UNC13C: variants seen among roughly 807,000 people sequenced by gnomAD.
UNC13C encodes unc-13 homolog C.
A neutral mutation model predicts 245.4 loss-of-function variants in UNC13C; 174 were observed. The ratio of observed to expected loss-of-function variants is 0.71; its 90% CI spans 0.63 to 0.80. UNC13C has a LOEUF of 0.80. UNC13C is among the 30% of genes least tolerant of loss of function. UNC13C has a pLI of 0.00. For synonymous variants in UNC13C, 992 were observed against 895.1 expected, an observed-to-expected ratio of 1.11 and a Z score of -1.93; for missense variants, 2,829 against 2,602.9, an observed-to-expected ratio of 1.09 and a Z score of -1.89.
At chr15:53,840,870 G>A in the UNC13C span, among the ~76,000 whole-genome samples, 1 of 152,104 alleles carries the variant, frequency 6.6e-6, no homozygotes. Context: ...GCTCACATAG[G>A]AGTAATCATG....
the UNC13C span, among the ~76,000 whole-genome samples, chr15:53,840,861 C>G: frequency 6.6e-6 from 1 of 152,008 alleles, no homozygotes; most frequent in Non-Finnish European, 1.5e-5. Flanking sequence ...TACTGCTCTG[C>G]TCACATAGGA....
chr15:53,913,115 A>G, the UNC13C span: 2 of 152,162 alleles, frequency 1.3e-5, no homozygotes, highest in African/African-American at 4.8e-5. Context: ...TAGCCCCACC[A>G]TATGTCATGG....
chr15:54,063,287 T>C (rs12901310), intron 2 of UNC13C, among the ~76,000 whole-genome samples: 89,019 of 151,864 alleles, frequency 0.59, 29,509 homozygotes, highest in Non-Finnish European at 0.75. Context: ...TAGGGAAGGG[T>C]AGTTCCAAAG....
chr15:54,123,276 T>C (rs1370212155), intron 2 of UNC13C, among the ~76,000 whole-genome samples: 2 of 151,848 alleles, frequency 1.3e-5, no homozygotes, highest in African/African-American at 4.8e-5. Flanking sequence ...TGTCCACTTG[T>C]AAATTGGTTT....
At chr15:54,074,252 C>A (rs1405302747) in intron 2 of UNC13C, among the ~76,000 whole-genome samples, 5 of 152,142 alleles carry the variant, frequency 3.3e-5, no homozygotes, top group Admixed American at 2.6e-4. Flanking sequence ...TGTTTTGGTA[C>A]CACTACCATG....
chr15:53,907,000 CGT>C, the UNC13C span, among the ~76,000 whole-genome samples: 1 of 152,094 alleles, frequency 6.6e-6, no homozygotes, highest in Non-Finnish European at 1.5e-5. Context: ...TCTCTCGACA[CGT>C]GGGGAGTATA....
At chr15:54,135,802 T>C (rs891251438) in intron 2 of UNC13C, among the ~76,000 whole-genome samples, 1 of 152,170 alleles carries the variant, frequency 6.6e-6, no homozygotes, top group Non-Finnish European at 1.5e-5. Context: ...TGATTCCATA[T>C]AAGTTTTAGA....
chr15:53,991,685 A>G (rs915241032), intron 1 of UNC13C, among the ~76,000 whole-genome samples: 1 of 152,072 alleles, frequency 6.6e-6, no homozygotes, highest in Admixed American at 6.6e-5. Flanking sequence ...AGCCATCTCC[A>G]TAGCTCTAAG....
chr15:53,845,860 G>C, the UNC13C span, among the ~76,000 whole-genome samples: 1 of 151,926 alleles, frequency 6.6e-6, no homozygotes, highest in Non-Finnish European at 1.5e-5. Flanking sequence ...TTCATTTTTG[G>C]GGCAAAATCC....
intron 19 of UNC13C, among the ~76,000 whole-genome samples, chr15:54,454,849 A>T (rs184871835): frequency 6.6e-6 from 1 of 151,782 alleles, no homozygotes; most frequent in East Asian, 2.0e-4. Context: ...TTTCAGGGGA[A>T]CAAGTGGTGT....
At chr15:53,844,867 A>G in the UNC13C span, among the ~76,000 whole-genome samples, 2 of 152,182 alleles carry the variant, frequency 1.3e-5, no homozygotes, top group African/African-American at 4.8e-5. Context: ...AAGCCATGCT[A>G]GAGGTTGGAC....
At chr15:54,308,178 C>T (rs1479398800) in intron 13 of UNC13C, among the ~76,000 whole-genome samples, 1 of 151,912 alleles carries the variant, frequency 6.6e-6, no homozygotes, top group Non-Finnish European at 1.5e-5. Flanking sequence ...GGACACCTGT[C>T]CCTGAACTGG....
chr15:54,046,644 A>T (rs898559322), intron 2 of UNC13C, among the ~76,000 whole-genome samples: 2 of 151,568 alleles, frequency 1.3e-5, no homozygotes, highest in Admixed American at 6.6e-5. Flanking sequence ...TAGAACATAG[A>T]CACTTTTTTT....
chr15:54,293,726 A>G (rs899295990), intron 10 of UNC13C, among the ~76,000 whole-genome samples, 169 bp from the exon 11 acceptor site: 2 of 152,080 alleles, frequency 1.3e-5, no homozygotes, highest in Non-Finnish European at 2.9e-5. Flanking sequence ...TTTCTTCAGT[A>G]TAGTTGCATT....
At chr15:54,502,376 AT>A (rs1188364974) in intron 22 of UNC13C, among the ~76,000 whole-genome samples, 1 of 152,202 alleles carries the variant, frequency 6.6e-6, no homozygotes, top group Non-Finnish European at 1.5e-5. Context: ...AAACTGTATT[AT>A]ATTTATTTGC....
chr15:54,408,933 C>T (rs1013140245), intron 18 of UNC13C, among the ~76,000 whole-genome samples: 1 of 152,056 alleles, frequency 6.6e-6, no homozygotes, highest in Non-Finnish European at 1.5e-5. Flanking sequence ...GCATATTTTT[C>T]CGTGGTATCA....
In UNC13C at chr15:54,334,909, A is replaced by G. The variant is rs145704704; in HGVS notation, c.4584+1053A>G. On this transcript the variant is annotated intron_variant, in intron 16 of 32. Transcript: ENST00000260323. ...CCATGCCTCCTTGTTTAAAAACACTATCTCCTTAAACTTGTAACTATTCTT... is the reference window on the plus strand; with the variant it reads ...CCATGCCTCCTTGTTTAAAAACACTGTCTCCTTAAACTTGTAACTATTCTT... Among the ~76,000 whole-genome samples, 168 of 152,100 alleles carry G rather than the reference A, an allele frequency of 1.1e-3. 1 individual carries two copies. Among genetic ancestry groups the G allele is most frequent in the African/African-American group, 3.5e-3 (147 of 41,518 alleles).
chr15:54,409,508 T>C (rs376761510), intron 18 of UNC13C, among the ~76,000 whole-genome samples: 1 of 152,092 alleles, frequency 6.6e-6, no homozygotes, highest in East Asian at 1.9e-4. Flanking sequence ...AATAGGTAGT[T>C]TTTAGATCCG....
At chr15:53,874,735 C>A in the UNC13C span, among the ~76,000 whole-genome samples, 1 of 152,202 alleles carries the variant, frequency 6.6e-6, no homozygotes, top group Non-Finnish European at 1.5e-5. Context: ...ATACCAGGTA[C>A]TGCTGGTACC....
Sources: gnomAD v4.1 joint callset for allele counts (sites outside exome capture counted in the v4.1 genomes callset) on GRCh38, gnomAD v4.1.1 for gene constraint, MANE v1.5 for transcripts, NCBI Gene and HGNC (gene_info 2026-07-23, HGNC 2026-07-21) for gene names.